The following CNIH3 variants were observed in gnomAD, a reference collection of about 807,000 sequenced individuals.
CNIH3 encodes cornichon family AMPA receptor auxiliary protein 3.
In CNIH3, 14 loss-of-function variants were observed where a neutral mutation model predicts 24.1. The ratio of observed to expected loss-of-function variants is 0.58; its 90% CI spans 0.38 to 0.91. CNIH3 has a LOEUF of 0.91. CNIH3 is among the 40% of genes least tolerant of loss of function. The pLI, the probability that CNIH3 is intolerant of heterozygous loss-of-function variation, is 0.00. For synonymous variants in CNIH3, 68 were observed against 73.8 expected (o/e 0.92, Z 0.40); for missense variants, 178 against 196.8 (o/e 0.90, Z 0.57).
At chr1:224,618,854 G>C (rs1246629206) in intron 1 of CNIH3, among the ~76,000 whole-genome samples, 1 of 152,192 alleles carries the variant, frequency 6.6e-6, no homozygotes. Flanking sequence ...CTAATCTATA[G>C]TAGAAAATTG....
chr1:224,703,525 G>A lies in CNIH3; in HGVS notation c.198+18682G>A, dbSNP rs1173018775. On this transcript the variant is annotated intron_variant, in intron 3 of 5. Transcript: ENST00000272133. This position sits in a 1 kb window ranked among gnomAD's most constrained non-coding sequence, Gnocchi z 4.2. Reference sequence around the variant, plus strand: ...GTTGGAAAAATCAGTGCCCTAGGGAGCATTTTGCAGTGTTAGTTATCATGG... The same window carrying A: ...GTTGGAAAAATCAGTGCCCTAGGGAACATTTTGCAGTGTTAGTTATCATGG... Among the ~76,000 whole-genome samples the A allele has an allele frequency of 1.3e-5, 2 of 152,136 alleles. No individual in the cohort carries two copies. Among genetic ancestry groups the A allele is most frequent in the Admixed American group, 6.5e-5 (1 of 15,270 alleles).
At chr1:224,462,668 T>C (rs1045461424) in intron 1 of CNIH3, among the ~76,000 whole-genome samples, 5 of 118,934 alleles carry the variant, frequency 4.2e-5, no homozygotes, top group South Asian at 2.9e-4. Context: ...TGAGATAGGG[T>C]CTCATTCTGT....
chr1:224,524,844 G>A (rs1379994162), intron 2 of CNIH3, among the ~76,000 whole-genome samples: 1 of 152,118 alleles, frequency 6.6e-6, no homozygotes, highest in African/African-American at 2.4e-5. Flanking sequence ...GATCACAGTG[G>A]TTGATTCAGA....
intron 1 of CNIH3, among the ~76,000 whole-genome samples, chr1:224,468,971 TC>T (rs1676258729): frequency 1.3e-5 from 2 of 152,128 alleles, no homozygotes; most frequent in Non-Finnish European, 2.9e-5. Flanking sequence ...AGTCAGTTCC[TC>T]TCTAATCCTA....
intron 1 of CNIH3, among the ~76,000 whole-genome samples, chr1:224,442,569 G>A (rs1674965727): frequency 6.6e-6 from 1 of 152,004 alleles, no homozygotes; most frequent in Non-Finnish European, 1.5e-5. Flanking sequence ...CTGTGATGGC[G>A]CATGTCCACA....
intron 3 of CNIH3, among the ~76,000 whole-genome samples, chr1:224,560,450 G>C (rs1348651369): frequency 6.6e-6 from 1 of 152,066 alleles, no homozygotes; most frequent in Non-Finnish European, 1.5e-5. Flanking sequence ...TAGGAACCGG[G>C]CCCCACAGCA....
At chr1:224,529,680 G>T (rs1467667129) in intron 2 of CNIH3, among the ~76,000 whole-genome samples, 1 of 152,190 alleles carries the variant, frequency 6.6e-6, no homozygotes, top group East Asian at 1.9e-4. Context: ...ATACAAGGTG[G>T]GGAGGCAGAG....
At position 224,712,474 on chromosome 1, in the gene CNIH3, G is replaced by C. The variant is rs1180137356; in HGVS notation, c.199-17988G>C. Among the ~76,000 whole-genome samples the C allele has an allele frequency of 2.0e-5, 3 of 152,082 alleles. No individual in the cohort carries two copies. In the East Asian group the frequency reaches 5.8e-4, roughly 29 times the overall value. ...AGCAGGATTGCATTTGGATCACCTGGCAGGATATCTGGCTCTCAGCAATAG... is the reference window on the plus strand; with the variant it reads ...AGCAGGATTGCATTTGGATCACCTGCCAGGATATCTGGCTCTCAGCAATAG... On this transcript the variant is annotated intron_variant, in intron 3 of 5. Coordinates refer to ENST00000272133, the MANE Select transcript of CNIH3 (RefSeq NM_152495.2).
At chr1:224,615,943 C>G (rs1001110152), upstream of CNIH3, 1 of 152,774 alleles carries the variant, frequency 6.5e-6, no homozygotes, top group African/African-American at 2.4e-5. Flanking sequence ...CTCCGATAGG[C>G]GAAACTGCAA....
Position 224,616,717 on chromosome 1 carries a change from A to G in CNIH3, c.-458A>G. Reference sequence around the variant, plus strand: ...TCCGTTTGCGCCCCGGTGGCGCGGGAGGGTCCGGAGCGGAGCGCTCGTCTC... The same window carrying G: ...TCCGTTTGCGCCCCGGTGGCGCGGGGGGGTCCGGAGCGGAGCGCTCGTCTC... On this transcript the variant is annotated 5_prime_UTR_variant, in exon 1 of 6. Coordinates refer to ENST00000272133, the MANE Select transcript of CNIH3 (RefSeq NM_152495.2). 2 of 993,926 alleles carry G rather than the reference A, an allele frequency of 2.0e-6. No individual in the cohort carries two copies. The highest frequency in any genetic ancestry group is 2.4e-6 in the Non-Finnish European group (2 of 835,936). 61.6% of individuals were successfully genotyped at this position (993,926 alleles called of 1,614,324 possible).
chr1:224,493,065 G>T (rs1345312782), intron 1 of CNIH3, among the ~76,000 whole-genome samples: 2 of 152,092 alleles, frequency 1.3e-5, no homozygotes, highest in Middle Eastern at 6.3e-3. Context: ...ATTGACCCAG[G>T]GTCTTTAATC....
chr1:224,596,978 C>A (rs908772621), intron 3 of CNIH3, among the ~76,000 whole-genome samples: 2 of 151,986 alleles, frequency 1.3e-5, no homozygotes, highest in African/African-American at 2.4e-5. Context: ...CGTGGTGAAA[C>A]CCCGTCTCTA....
At chr1:224,560,088 A>G (rs1680302297) in intron 3 of CNIH3, among the ~76,000 whole-genome samples, 1 of 152,152 alleles carries the variant, frequency 6.6e-6, no homozygotes, top group African/African-American at 2.4e-5. Context: ...ACTTTTCACT[A>G]TGGTATGCCA....
At chr1:224,620,273 C>G (rs1683217092) in intron 1 of CNIH3, among the ~76,000 whole-genome samples, 1 of 152,230 alleles carries the variant, frequency 6.6e-6, no homozygotes, top group South Asian at 2.1e-4. Flanking sequence ...GGACATTTCG[C>G]AGATGAGGAA....
At chr1:224,544,933 G>A (rs1679646968) in intron 2 of CNIH3, among the ~76,000 whole-genome samples, 1 of 152,164 alleles carries the variant, frequency 6.6e-6, no homozygotes, top group South Asian at 2.1e-4. Flanking sequence ...TAGTCTTCAG[G>A]CTTCTGGCCT....
Position 224,441,185 on chromosome 1 carries a change from T to C in CNIH3, n.203+6323T>C, listed in dbSNP as rs35824280. ...TGAGATTGTATATAATTTTTCTTTC[T>C]TTTTTATTAATGTTATGCTTCTAAA... On this transcript the variant is annotated intron_variant and non_coding_transcript_variant, in intron 1 of 5. Transcript: ENST00000471578. 3.1e-3 allele frequency among the ~76,000 whole-genome samples: 476 copies of C among 152,350 alleles called. 1 individual carries two copies. The highest frequency in any genetic ancestry group is 5.0e-3 in the Non-Finnish European group (343 of 68,036).
At chr1:224,647,801 A>G (rs776705605) in intron 1 of CNIH3, among the ~76,000 whole-genome samples, 7 of 152,198 alleles carry the variant, frequency 4.6e-5, no homozygotes, top group Admixed American at 2.6e-4. Flanking sequence ...GATCAGCATA[A>G]GGAACCTGCA....
At chr1:224,463,776 T>TA (rs1558083158) in intron 1 of CNIH3, among the ~76,000 whole-genome samples, 27 of 15,526 alleles carry the variant, frequency 1.7e-3, no homozygotes, top group African/African-American at 3.6e-3. Flanking sequence ...TGTCCTCATT[T>TA]TTTTTTTTTT....
At chr1:224,547,001 G>A in intron 3 of CNIH3, 3 of 676,628 alleles carry the variant, frequency 4.4e-6, no homozygotes, top group Non-Finnish European at 5.5e-6. Flanking sequence ...AATTGGTAGT[G>A]GTAAGATGGG....
Sources: allele counts gnomAD v4.1 joint callset (sites outside exome capture counted in the v4.1 genomes callset), GRCh38; gene constraint gnomAD v4.1.1; non-coding constraint Gnocchi (gnomAD v3.1); transcripts MANE v1.5; gene names NCBI Gene and HGNC (gene_info 2026-07-23, HGNC 2026-07-21).